Variants in SNAP91 observed in about 807,000 individuals in gnomAD.
The protein encoded by SNAP91 is clathrin coat assembly protein AP180.
SNAP91 carries 27 observed loss-of-function variants against 100.3 expected under a neutral mutation model. That is an observed-to-expected ratio of 0.27 (90% CI 0.20 to 0.37). The LOEUF is 0.37. SNAP91 is among the 10% of genes least tolerant of loss of function. The pLI, the probability that SNAP91 is intolerant of heterozygous loss-of-function variation, is 1.00. For missense variants in SNAP91, 986 were observed against 1,123.7 expected, an observed-to-expected ratio of 0.88 and a Z score of 1.75; for synonymous variants, 404 against 398.6, an observed-to-expected ratio of 1.01 and a Z score of -0.16.
chr6:83,579,212 A>C (rs1226564536), intron 24 of SNAP91, among the ~76,000 whole-genome samples: 1 of 152,120 alleles, frequency 6.6e-6, no homozygotes, highest in African/African-American at 2.4e-5. Flanking sequence ...GTATTGCTCT[A>C]GCGGGTTAGC....
intron 16 of SNAP91, among the ~76,000 whole-genome samples, chr6:83,599,309 T>C (rs1476581271): frequency 6.6e-6 from 1 of 152,178 alleles, no homozygotes; most frequent in East Asian, 1.9e-4. Flanking sequence ...CAACTCCTTA[T>C]AAGTGGACTG....
chr6:83,609,178 G>A (rs2095833094), intron 12 of SNAP91, among the ~76,000 whole-genome samples: 1 of 152,022 alleles, frequency 6.6e-6, no homozygotes, highest in African/African-American at 2.4e-5. Context: ...CTGAGGAGAT[G>A]TAAGAGCTAG....
chr6:83,698,356 G>C (rs998716382), intron 2 of SNAP91, among the ~76,000 whole-genome samples: 2 of 148,182 alleles, frequency 1.3e-5, no homozygotes, highest in Non-Finnish European at 3.0e-5. Context: ...AGAAATTGCA[G>C]AAAACCACAT....
chr6:83,658,499 C>A (rs2098460635), intron 6 of SNAP91, among the ~76,000 whole-genome samples: 1 of 152,074 alleles, frequency 6.6e-6, no homozygotes, highest in South Asian at 2.1e-4. Flanking sequence ...GTCCCAGCTG[C>A]TCAGGAGGCT....
intron 24 of SNAP91, among the ~76,000 whole-genome samples, chr6:83,577,977 C>CA (rs1260336519): frequency 2.0e-5 from 3 of 152,246 alleles, no homozygotes; most frequent in Admixed American, 1.3e-4. Flanking sequence ...TATGAAAACA[C>CA]ATAGTCTTTT....
intron 8 of SNAP91, among the ~76,000 whole-genome samples, chr6:83,632,957 C>A (rs1432957295): frequency 5.3e-5 from 8 of 152,136 alleles, no homozygotes; most frequent in Non-Finnish European, 1.0e-4. Context: ...TTTAAAGAAC[C>A]TTATTTTGTC....
At chr6:83,632,900 T>C (rs991881408) in intron 8 of SNAP91, among the ~76,000 whole-genome samples, 1 of 152,224 alleles carries the variant, frequency 6.6e-6, no homozygotes, top group African/African-American at 2.4e-5. Flanking sequence ...CAGGGATTTG[T>C]TGGTTTGGGT....
At position 83,659,740 on chromosome 6, in the gene SNAP91, A is replaced by G. The variant is rs937065868; in HGVS notation, c.453-648T>C. Reference sequence around the variant, plus strand: ...AGCCACTTTGCCCAATCAAAATATAAGCTTTCAAAAAAGCCAGTTTTTTTT... The same window carrying G: ...AGCCACTTTGCCCAATCAAAATATAGGCTTTCAAAAAAGCCAGTTTTTTTT... On this transcript the variant is annotated intron_variant, in intron 5 of 29. Transcript: ENST00000369694. 2.0e-5 allele frequency among the ~76,000 whole-genome samples: 3 copies of G among 151,912 alleles called. No homozygotes were observed. In the Admixed American group the frequency reaches 2.0e-4, roughly 10 times the overall value.
chr6:83,662,515 C>G, intron 3 of SNAP91, 93 bp from the exon 4 acceptor site: 1 of 444,816 alleles, frequency 2.2e-6, no homozygotes, highest in Non-Finnish European at 4.0e-6. Flanking sequence ...TTAACAAATT[C>G]TCATTGGGAT....
At chr6:83,696,163 A>G (rs1360349942) in intron 2 of SNAP91, among the ~76,000 whole-genome samples, 1 of 152,172 alleles carries the variant, frequency 6.6e-6, no homozygotes, top group Non-Finnish European at 1.5e-5. Flanking sequence ...TTTTAGGGAG[A>G]AAAAAACAAC....
intron 22 of SNAP91, among the ~76,000 whole-genome samples, chr6:83,584,421 T>C (rs576295528): frequency 1.3e-5 from 2 of 151,740 alleles, no homozygotes; most frequent in African/African-American, 4.8e-5. Flanking sequence ...GGAAAAAGAG[T>C]GCATTTACCT....
chr6:83,681,673 G>A (rs1209866891), intron 2 of SNAP91, among the ~76,000 whole-genome samples: 5 of 152,098 alleles, frequency 3.3e-5, no homozygotes, highest in Non-Finnish European at 5.9e-5. Context: ...GTAACTAAAG[G>A]GATGTATACT....
intron 22 of SNAP91, among the ~76,000 whole-genome samples, chr6:83,584,455 T>C (rs990320549): frequency 6.6e-6 from 1 of 152,102 alleles, no homozygotes; most frequent in Non-Finnish European, 1.5e-5. Context: ...TAGTGCTATT[T>C]CTACTTTATG....
At chr6:83,658,929 A>T in intron 6 of SNAP91, 70 bp downstream of exon 6, 1 of 1,154,164 alleles carries the variant, frequency 8.7e-7, no homozygotes, top group Non-Finnish European at 1.3e-6. Context: ...CTTTGGATTT[A>T]CCTGTAGCCC....
intron 22 of SNAP91, 51 bp downstream of exon 22, chr6:83,591,159 TA>T: frequency 8.4e-7 from 1 of 1,183,804 alleles, no homozygotes; most frequent in Non-Finnish European, 1.3e-6. Flanking sequence ...TTGTTACTTA[TA>T]AAAATATATC....
At chr6:83,707,319 A>C (rs909605114) in intron 2 of SNAP91, among the ~76,000 whole-genome samples, 5 of 152,308 alleles carry the variant, frequency 3.3e-5, no homozygotes, top group African/African-American at 1.2e-4. Flanking sequence ...AACACTTAAA[A>C]AGATTATACT....
intron 22 of SNAP91, among the ~76,000 whole-genome samples, chr6:83,586,432 C>T (rs2092645688): frequency 6.6e-6 from 1 of 152,288 alleles, no homozygotes; most frequent in Admixed American, 6.5e-5. Context: ...TATACTAGTA[C>T]AGATTTATAG....
chr6:83,696,094 A>G (rs1014616169), intron 2 of SNAP91, among the ~76,000 whole-genome samples: 6 of 152,204 alleles, frequency 3.9e-5, no homozygotes, highest in African/African-American at 1.4e-4. Context: ...CCAGAATGTT[A>G]CATGTTAAAA....
In SNAP91 at chr6:83,641,199, T is replaced by G; in HGVS notation, c.662A>C (p.Lys221Thr). 2.1e-6 allele frequency: 3 copies of G among 1,398,000 alleles called. No individual in the cohort carries two copies. In the South Asian group the frequency reaches 4.2e-5, roughly 20 times the overall value. 86.6% of individuals were successfully genotyped at this position (1,398,000 alleles called of 1,614,324 possible). The change falls in exon 8 of 30, where the codon AAG (lysine) becomes ACG (threonine). Residue 221 changes from lysine (K) to threonine (T), a missense_variant. By Grantham distance (78) the Lys-to-Thr change is moderately conservative. This residue lies in a region of SNAP91 where 330 missense variants were observed against 447.5 expected (regional missense o/e 0.74). Transcript: ENST00000369694. ...TTGTCCTTTCTTCATTTCAAAAAAC[T>G]TTTCTAGAGAAGATAAAGAGATAAG... ...YNDGVINLLE[K>T]FFEMKKGQCK...
Sources: allele counts gnomAD v4.1 joint callset (sites outside exome capture counted in the v4.1 genomes callset), GRCh38; gene constraint gnomAD v4.1.1; regional missense constraint gnomAD v4.1.1; transcripts MANE v1.5; gene names NCBI Gene and HGNC (gene_info 2026-07-23, HGNC 2026-07-21).